Variants in MAMLD1 observed in about 807,000 individuals in gnomAD.
The protein encoded by MAMLD1 is mastermind-like domain-containing protein 1.
Under a neutral mutation model 45.0 loss-of-function variants are expected in MAMLD1, and 14 were observed. That is an observed-to-expected ratio of 0.31 (90% CI 0.21 to 0.49). The LOEUF is 0.49. Among genes scored for constraint, MAMLD1 ranks in the 20% least tolerant of loss-of-function variants. The pLI is 0.99. For missense variants in MAMLD1, 543 were observed against 603.6 expected (o/e 0.90, Z 1.05); for synonymous variants, 254 against 247.8 (o/e 1.02, Z -0.24).
intron 1 of MAMLD1, among the ~76,000 whole-genome samples, chrX:150,378,958 G>T (rs1469632091): frequency 9.0e-6 from 1 of 111,652 alleles, no homozygotes; most frequent in Non-Finnish European, 1.9e-5. Flanking sequence ...GTGAAGAATG[G>T]TATTTAAAAA....
intron 1 of MAMLD1, among the ~76,000 whole-genome samples, chrX:150,364,598 G>A (rs1603192229): frequency 1.8e-5 from 2 of 112,202 alleles, no homozygotes; most frequent in Middle Eastern, 9.2e-3. Context: ...TTTTGCTGGG[G>A]TGGCTTGTCG....
chrX:150,470,647 C>T lies in MAMLD1; in HGVS notation c.1074C>T (p.Pro358=), dbSNP rs1557406356. 4 of 1,211,868 alleles carry T rather than the reference C, an allele frequency of 3.3e-6. No individual in the cohort carries two copies. Among genetic ancestry groups the T allele is most frequent in the Middle Eastern group, 2.3e-4 (1 of 4,354 alleles). The change falls in exon 4 of 8, where the codon CCC becomes CCT. Residue 358 remains proline (P), a synonymous_variant. Transcript: ENST00000370401. ...CGCTGCCACTGCCACCACCACCACC[C>T]CCATTCAGCCCCCAGAGCCTCATGG... ...PPPLPLPPPP[P]PFSPQSLMVS...
intron 1 of MAMLD1, among the ~76,000 whole-genome samples, chrX:150,390,974 G>A (rs1557402157): frequency 1.8e-5 from 2 of 112,048 alleles, no homozygotes; most frequent in African/African-American, 6.5e-5. Flanking sequence ...TTCAGCACTT[G>A]AAAAATGTAC....
At chrX:150,406,602 A>G (rs1441011228) in intron 1 of MAMLD1, among the ~76,000 whole-genome samples, 1 of 111,823 alleles carries the variant, frequency 8.9e-6, no homozygotes, top group Non-Finnish European at 1.9e-5. Context: ...AGTAACACAC[A>G]TGTTCTAGAA....
At chrX:150,402,979 G>A (rs1170755784) in intron 1 of MAMLD1, among the ~76,000 whole-genome samples, 1 of 110,204 alleles carries the variant, frequency 9.1e-6, no homozygotes, top group African/African-American at 3.3e-5. Flanking sequence ...GCTAGATGAC[G>A]AGTTACTGGT....
intron 1 of MAMLD1, among the ~76,000 whole-genome samples, chrX:150,385,277 TAC>T (rs3066918): frequency 0.033 from 3,062 of 93,817 alleles, 117 homozygotes; most frequent in African/African-American, 0.11. Flanking sequence ...TGAACAATAC[TAC>T]ACACACACAC....
intron 2 of MAMLD1, among the ~76,000 whole-genome samples, chrX:150,454,849 A>C (rs1557405246): frequency 9.2e-6 from 1 of 109,044 alleles, no homozygotes; most frequent in Non-Finnish European, 1.9e-5. Context: ...CCACCATCCC[A>C]ATTGCCACCA....
At chrX:150,449,785 C>A (rs962934596) in intron 2 of MAMLD1, among the ~76,000 whole-genome samples, 2 of 110,182 alleles carry the variant, frequency 1.8e-5, no homozygotes, top group Non-Finnish European at 3.8e-5. Context: ...AGTCTAGGGG[C>A]AAATTATTCC....
intron 2 of MAMLD1, among the ~76,000 whole-genome samples, chrX:150,458,622 CTT>C (rs1345461464): frequency 1.3e-4 from 14 of 111,846 alleles, no homozygotes; most frequent in Non-Finnish European, 2.4e-4. Flanking sequence ...TGTTTTTTTT[CTT>C]TCTCTTTATT....
At chrX:150,440,641 ATAG>A (rs2035269049) in intron 1 of MAMLD1, among the ~76,000 whole-genome samples, 1 of 109,329 alleles carries the variant, frequency 9.1e-6, no homozygotes, top group Non-Finnish European at 1.9e-5. Context: ...ATGTGTATTC[ATAG>A]TAGTAGTCCC....
chrX:150,382,049 G>A (rs1417194676), intron 1 of MAMLD1, among the ~76,000 whole-genome samples: 2 of 110,914 alleles, frequency 1.8e-5, no homozygotes, highest in Non-Finnish European at 3.8e-5. Flanking sequence ...TTGTGGTTGA[G>A]TCTAAGAACT....
chrX:150,436,771 G>A (rs2035133826), intron 1 of MAMLD1, among the ~76,000 whole-genome samples: 1 of 112,033 alleles, frequency 8.9e-6, no homozygotes, highest in Non-Finnish European at 1.9e-5. Flanking sequence ...TTATGGGGAA[G>A]TAGTGTGGTC....
At chrX:150,491,117 A>C (rs1393695049) in intron 5 of MAMLD1, among the ~76,000 whole-genome samples, 2 of 111,105 alleles carry the variant, frequency 1.8e-5, no homozygotes, top group African/African-American at 6.6e-5. Flanking sequence ...TGAATCCTGT[A>C]CTGAGGGATT....
intron 1 of MAMLD1, among the ~76,000 whole-genome samples, chrX:150,435,435 A>G (rs1316193560): frequency 9.0e-6 from 1 of 111,330 alleles, no homozygotes; most frequent in African/African-American, 3.3e-5. Context: ...AATTGCTTGA[A>G]CCTGGGAGGT....
At chrX:150,499,798 A>T (rs1312653889) in intron 5 of MAMLD1, among the ~76,000 whole-genome samples, 2 of 111,864 alleles carry the variant, frequency 1.8e-5, no homozygotes, top group Non-Finnish European at 1.9e-5. Context: ...TTCAGTAAAT[A>T]TGTTAGCTGA....
intron 5 of MAMLD1, among the ~76,000 whole-genome samples, chrX:150,482,004 G>GAAAGAAAGAAAGAA (rs2036818849): frequency 2.8e-4 from 30 of 106,094 alleles, no homozygotes; most frequent in African/African-American, 9.8e-4. Context: ...AAGAAAGAAA[G>GAAAGAAAGAAAGAA]AAAGAAAGAA....
At chrX:150,481,971 AG>A (rs2036800706) in intron 5 of MAMLD1, among the ~76,000 whole-genome samples, 1 of 60,459 alleles carries the variant, frequency 1.7e-5, no homozygotes, top group Non-Finnish European at 3.1e-5. Flanking sequence ...GAAAAAAGAA[AG>A]AAAGAAAGAA....
chrX:150,381,164 ATTC>A (rs199656431), intron 1 of MAMLD1, among the ~76,000 whole-genome samples: 1,123 of 112,157 alleles, frequency 0.01, 13 homozygotes, highest in African/African-American at 0.034. Context: ...CAATTTGCCT[ATTC>A]TTCTTCCAGT....
intron 1 of MAMLD1, among the ~76,000 whole-genome samples, chrX:150,414,730 T>C (rs2034208671): frequency 9.0e-6 from 1 of 111,674 alleles, no homozygotes; most frequent in African/African-American, 3.3e-5. Flanking sequence ...GTGGAGGAAA[T>C]GTGGCTTGAG....
Sources: allele counts gnomAD v4.1 joint callset (sites outside exome capture counted in the v4.1 genomes callset), GRCh38; gene constraint gnomAD v4.1.1; transcripts MANE v1.5; gene names NCBI Gene and HGNC (gene_info 2026-07-23, HGNC 2026-07-21).